Variants in ZNF451 observed in about 807,000 individuals in gnomAD.
ZNF451 encodes the protein zinc finger protein 451.
ZNF451 carries 80 observed loss-of-function variants against 107.1 expected under a neutral mutation model. That is an observed-to-expected ratio of 0.75 (90% CI 0.62 to 0.90). The LOEUF (loss-of-function observed/expected upper bound fraction) is 0.90. Among genes scored for constraint, ZNF451 ranks in the 40% least tolerant of loss-of-function variants. The pLI is 0.00. For synonymous variants in ZNF451, 362 were observed against 406.5 expected (o/e 0.89, Z 1.32); for missense variants, 1,107 against 1,236.2 (o/e 0.90, Z 1.57).
chr6:57,106,202 T>G, intron 3 of ZNF451: 1 of 985,416 alleles, frequency 1.0e-6, no homozygotes, highest in Non-Finnish European at 1.2e-6. Flanking sequence ...GGACATGACA[T>G]TCATTATTCT....
intron 5 of ZNF451, among the ~76,000 whole-genome samples, chr6:57,129,520 T>C (rs1593128160): frequency 6.6e-6 from 1 of 152,166 alleles, no homozygotes; most frequent in African/African-American, 2.4e-5. Flanking sequence ...CCAACAAAGT[T>C]TAATTACAAA....
At chr6:57,099,469 G>C in intron 3 of ZNF451, 1 of 716,854 alleles carries the variant, frequency 1.4e-6, no homozygotes, top group Non-Finnish European at 2.6e-6. Flanking sequence ...CTCTCCTCAG[G>C]TGCCCTATAC....
chr6:57,158,764 T>G lies in ZNF451; in HGVS notation c.3071-2320T>G, dbSNP rs1763540895. 3.0e-6 allele frequency: 3 copies of G among 985,358 alleles called. No individual in the cohort carries two copies. In the Admixed American group the frequency reaches 1.8e-4, roughly 61 times the overall value. 61.0% of individuals were successfully genotyped at this position (985,358 alleles called of 1,614,324 possible). On this transcript the variant is annotated intron_variant, in intron 13 of 14. Transcript: ENST00000370706. ...AAAAAGATGTTACTACAAGATAATT[T>G]TTGTTGAATCTGTATGCTCCTTAGA...
At chr6:57,102,730 T>C (rs969767621) in intron 3 of ZNF451, 18 of 985,464 alleles carry the variant, frequency 1.8e-5, no homozygotes, top group Non-Finnish European at 2.2e-5. Context: ...CCAGTTTGCT[T>C]CCCCTTGGAA....
chr6:57,112,907 T>G (rs1480060721), intron 3 of ZNF451, among the ~76,000 whole-genome samples: 5 of 152,228 alleles, frequency 3.3e-5, no homozygotes, highest in East Asian at 3.8e-4. Context: ...GTCATTTCTT[T>G]ATCATTAAAA....
At chr6:57,130,222 C>T (rs1293246727) in intron 5 of ZNF451, among the ~76,000 whole-genome samples, 1 of 152,108 alleles carries the variant, frequency 6.6e-6, no homozygotes, top group East Asian at 1.9e-4. Flanking sequence ...AGAACTTGGG[C>T]TCCAAATCTG....
At position 57,134,724 on chromosome 6, in the gene ZNF451, T is replaced by C; in HGVS notation, c.576-20T>C. ...ATGTAGATTTATCTAATATTACCTC[T>C]TACCTCTTTTGCTGAGTAGGTTCGA... On this transcript the variant is annotated intron_variant, in intron 6 of 14. Coordinates refer to ENST00000370706, the MANE Select transcript of ZNF451 (RefSeq NM_001031623.3). The C allele has an allele frequency of 6.2e-7, 1 of 1,606,570 alleles. No individual in the cohort carries two copies.
At chr6:57,105,782 G>A (rs945160754) in intron 3 of ZNF451, 179 of 985,268 alleles carry the variant, frequency 1.8e-4, no homozygotes, top group Non-Finnish European at 2.1e-4. Flanking sequence ...GTGTTTACTT[G>A]GTTAGAATAA....
chr6:57,122,774 G>T lies in ZNF451; in HGVS notation c.187-1960G>T, dbSNP rs567985853. Among the ~76,000 whole-genome samples, 5 of 152,286 alleles carry T rather than the reference G, an allele frequency of 3.3e-5. No homozygotes were observed. The South Asian group carries it at 1.0e-3, about 32-fold the overall frequency. Reference sequence around the variant, plus strand: ...AAGGGAACATTTATACACTGTTGGTGGAAATGCAAATTAGTTCATCTCCTG... The same window carrying T: ...AAGGGAACATTTATACACTGTTGGTTGAAATGCAAATTAGTTCATCTCCTG... On this transcript the variant is annotated intron_variant, in intron 3 of 14. Coordinates refer to ENST00000370706, the MANE Select transcript of ZNF451 (RefSeq NM_001031623.3).
intron 3 of ZNF451, chr6:57,101,916 AG>A (rs1829617190): frequency 6.4e-7 from 1 of 1,550,590 alleles, no homozygotes. Flanking sequence ...ACAATATAAA[AG>A]AAAATGACTA....
intron 3 of ZNF451, chr6:57,115,037 ATTGC>A (rs1302305488): frequency 6.6e-6 from 1 of 152,152 alleles, no homozygotes; most frequent in African/African-American, 2.4e-5. Context: ...AGATGGGAGG[ATTGC>A]TTGAGGCCAG....
At chr6:57,103,890 C>A in intron 3 of ZNF451, 1 of 985,328 alleles carries the variant, frequency 1.0e-6, no homozygotes, top group Non-Finnish European at 1.2e-6. Flanking sequence ...ATTTTTAAAT[C>A]TACTTTTCTT....
chr6:57,097,342 T>C (rs1829377203), intron 2 of ZNF451, among the ~76,000 whole-genome samples: 1 of 152,208 alleles, frequency 6.6e-6, no homozygotes, highest in Admixed American at 6.5e-5. Flanking sequence ...ACTGGATGCC[T>C]ATTCTAGGGA....
chr6:57,148,005 C>G lies in ZNF451; in HGVS notation c.1920C>G (p.His640Gln), dbSNP rs1458330144. The G allele has an allele frequency of 6.2e-7, 1 of 1,613,994 alleles. No individual in the cohort carries two copies. Among genetic ancestry groups the G allele is most frequent in the East Asian group, 2.2e-5 (1 of 44,898 alleles). Residue 640 changes from histidine to glutamine, a missense_variant, in exon 10 of 15, where the codon CAC (histidine) becomes CAG (glutamine). His to Gln is a conservative substitution (Grantham distance 24). Transcript: ENST00000370706. ...SHKFHRYSCA[H>Q]CRKPFHKIET... Reference sequence around the variant, plus strand: ...AGTTTCATAGATACAGCTGTGCTCACTGCAGAAAGCCTTTTCATAAGATAG... The same window carrying G: ...AGTTTCATAGATACAGCTGTGCTCAGTGCAGAAAGCCTTTTCATAAGATAG...
chr6:57,109,429 T>C lies in ZNF451; in HGVS notation c.186+10288T>C, dbSNP rs571487369. On this transcript the variant is annotated intron_variant, in intron 3 of 14. Transcript: ENST00000370706. ...CAGCATTAGCAAGTCACTTGTTTTC[T>C]GAGCCTCAGTTTTCTTACTCTCAAA... The C allele has an allele frequency of 3.0e-6, 3 of 985,468 alleles. No individual in the cohort carries two copies. In the African/African-American group the frequency reaches 5.2e-5, roughly 17 times the overall value. 61.0% of individuals were successfully genotyped at this position (985,468 alleles called of 1,614,324 possible). A position where few individuals can be genotyped will look rare whatever the true frequency, so the allele number is the denominator to read the frequency against.
chr6:57,129,202 T>G (rs1008096220), intron 5 of ZNF451, among the ~76,000 whole-genome samples: 1 of 152,198 alleles, frequency 6.6e-6, no homozygotes, highest in African/African-American at 2.4e-5. Context: ...GAATTTAAAC[T>G]GAGATCTAGA....
At chr6:57,109,469 A>G (rs1233643392) in intron 3 of ZNF451, 1 of 985,468 alleles carries the variant, frequency 1.0e-6, no homozygotes, top group Non-Finnish European at 1.2e-6. Context: ...GTAATATCCG[A>G]AAGTACTTTG....
intron 2 of ZNF451, among the ~76,000 whole-genome samples, chr6:57,093,620 A>G (rs1396880376): frequency 1.3e-5 from 2 of 152,228 alleles, no homozygotes; most frequent in Non-Finnish European, 2.9e-5. Flanking sequence ...AAGTTCTCTT[A>G]CAGAAAGTAC....
At chr6:57,110,773 C>G (rs575057133) in intron 3 of ZNF451, among the ~76,000 whole-genome samples, 1 of 152,218 alleles carries the variant, frequency 6.6e-6, no homozygotes, top group African/African-American at 2.4e-5. Flanking sequence ...AGAACCCTCT[C>G]TAGGTGTTTC....
Sources: allele counts gnomAD v4.1 joint callset (sites outside exome capture counted in the v4.1 genomes callset), GRCh38; gene constraint gnomAD v4.1.1; transcripts MANE v1.5; gene names NCBI Gene and HGNC (gene_info 2026-07-23, HGNC 2026-07-21).